Variants in PCDHGC3 observed in about 807,000 individuals in gnomAD.
PCDHGC3 encodes protocadherin gamma-C3.
In PCDHGC3, 26 loss-of-function variants were observed where a neutral mutation model predicts 59.2. That is an observed-to-expected ratio of 0.44 (90% CI 0.32 to 0.61). The LOEUF (loss-of-function observed/expected upper bound fraction) is 0.61. Ranked by LOEUF, PCDHGC3 falls within the 20% of genes least tolerant of loss-of-function variation. The pLI is 0.05. For synonymous variants in PCDHGC3, 487 were observed against 519.7 expected (o/e 0.94, Z 0.86); for missense variants, 1,080 against 1,221.8 (o/e 0.88, Z 1.73).
intron 2 of PCDHGC3, among the ~76,000 whole-genome samples, chr5:141,503,295 T>C (rs567706089): frequency 6.6e-6 from 1 of 152,070 alleles, no homozygotes; most frequent in Non-Finnish European, 1.5e-5. Context: ...TACATAGAAA[T>C]TGCTCAAGAA....
chr5:141,491,712 G>A lies in PCDHGC3; in HGVS notation c.2431-3095G>A, dbSNP rs932849130. On this transcript the variant is annotated intron_variant, in intron 1 of 3. Coordinates refer to ENST00000308177, the MANE Select transcript of PCDHGC3 (RefSeq NM_002588.4). The surrounding 1 kb of genome is among the most constrained non-coding windows in gnomAD (Gnocchi z 6.9). Reference sequence around the variant, plus strand: ...GGGAGCGGAGCCAGGTGAGGGGCTCGGCGCCGCCCCGGGCGACCCCTGGGG... The same window carrying A: ...GGGAGCGGAGCCAGGTGAGGGGCTCAGCGCCGCCCCGGGCGACCCCTGGGG... The A allele has an allele frequency of 1.2e-6, 2 of 1,609,290 alleles. No homozygotes were observed. Among genetic ancestry groups the A allele is most frequent in the East Asian group, 2.2e-5 (1 of 44,760 alleles).
Position 141,486,544 on chromosome 5 carries a change from G to C in PCDHGC3, c.2430+7998G>C, listed in dbSNP as rs1376583724. Reference sequence around the variant, plus strand: ...ATGATAATCCACCCTCTTTCTTTCAGAGGTCACATGAGGTGTTTGTTCCTG... The same window carrying C: ...ATGATAATCCACCCTCTTTCTTTCACAGGTCACATGAGGTGTTTGTTCCTG... On this transcript the variant is annotated intron_variant, in intron 1 of 3. Coordinates refer to ENST00000308177, the MANE Select transcript of PCDHGC3 (RefSeq NM_002588.4). The surrounding 1 kb of genome is among the most constrained non-coding windows in gnomAD (Gnocchi z 5.0). The C allele has an allele frequency of 6.2e-7, 1 of 1,613,964 alleles. No homozygotes were observed. The highest frequency in any genetic ancestry group is 1.3e-5 in the African/African-American group (1 of 74,932).
At chr5:141,500,914 G>T (rs1237339394) in intron 2 of PCDHGC3, among the ~76,000 whole-genome samples, 2 of 151,130 alleles carry the variant, frequency 1.3e-5, no homozygotes, top group Non-Finnish European at 2.9e-5. Flanking sequence ...CTGTCTCCAG[G>T]CTGGGGTGCA....
At position 141,505,378 on chromosome 5, in the gene PCDHGC3, C is replaced by T. The variant is rs376550639; in HGVS notation, c.2490-15C>T. 2 of 1,614,034 alleles carry T rather than the reference C, an allele frequency of 1.2e-6. No homozygotes were observed. The highest frequency in any genetic ancestry group is 2.2e-5 in the East Asian group (1 of 44,872). On this transcript the variant is annotated splice_polypyrimidine_tract_variant and intron_variant, in intron 2 of 3. Transcript: ENST00000308177. ...GGCCTGGGAGTCTGTGCTCACCATC[C>T]TACTCTCTCCCCAGCTCCCAAAATG...
At chr5:141,510,627 G>C (rs2099881988) in intron 3 of PCDHGC3, among the ~76,000 whole-genome samples, 2 of 152,090 alleles carry the variant, frequency 1.3e-5, no homozygotes, top group South Asian at 2.1e-4. Context: ...AACCAGAAGA[G>C]GTGGTTACCA....
chr5:141,505,252 C>T (rs2099844831), intron 2 of PCDHGC3, 141 bp from the exon 3 acceptor site: 1 of 1,454,140 alleles, frequency 6.9e-7, no homozygotes, highest in Non-Finnish European at 9.2e-7. Context: ...TGTAGAAGTG[C>T]CTCCTACCTT....
Position 141,485,011 on chromosome 5 carries a change from C to G in PCDHGC3, c.2430+6465C>G, listed in dbSNP as rs2099605048. 3.2e-6 allele frequency: 2 copies of G among 631,064 alleles called. No homozygotes were observed. The highest frequency in any genetic ancestry group is 5.5e-5 in the East Asian group (2 of 36,662). The allele number at this position is 631,064 out of a possible 1,614,324, so 39.1% of individuals were successfully genotyped here. A position where few individuals can be genotyped will look rare whatever the true frequency, so the allele number is the denominator to read the frequency against. Reference sequence around the variant, plus strand: ...TGGTGAAAGGCAGACAAATCTACCCCGCCACCAGCAAAAACGGCGCGTAAC... The same window carrying G: ...TGGTGAAAGGCAGACAAATCTACCCGGCCACCAGCAAAAACGGCGCGTAAC... On this transcript the variant is annotated intron_variant, in intron 1 of 3. Coordinates refer to ENST00000308177, the MANE Select transcript of PCDHGC3 (RefSeq NM_002588.4). This position sits in a 1 kb window ranked among gnomAD's most constrained non-coding sequence, Gnocchi z 5.7.
intron 1 of PCDHGC3, among the ~76,000 whole-genome samples, chr5:141,482,771 A>ACCTAAAATCTCAAACAC (rs1168136626): frequency 4.9e-5 from 7 of 141,414 alleles, no homozygotes; most frequent in African/African-American, 8.5e-5. Flanking sequence ...ATTATCACTG[A>ACCTAAAATCTCAAACAC]ACCTTAAACT....
Position 141,487,373 on chromosome 5 carries a change from C to T in PCDHGC3, c.2431-7434C>T. 2 of 1,614,224 alleles carry T rather than the reference C, an allele frequency of 1.2e-6. No homozygotes were observed. Among genetic ancestry groups the T allele is most frequent in the Non-Finnish European group, 1.7e-6 (2 of 1,180,042 alleles). On this transcript the variant is annotated intron_variant, in intron 1 of 3. Transcript: ENST00000308177. This position sits in a 1 kb window ranked among gnomAD's most constrained non-coding sequence, Gnocchi z 5.0. ...CTTTCCTGCTGGCACCTGTGCCTGTCTCACCAGATCTCGAAGGAGGGAGGG... is the reference window on the plus strand; with the variant it reads ...CTTTCCTGCTGGCACCTGTGCCTGTTTCACCAGATCTCGAAGGAGGGAGGG...
At position 141,485,287 on chromosome 5, in the gene PCDHGC3, G is replaced by A. The variant is rs1396496143; in HGVS notation, c.2430+6741G>A. 5.0e-6 allele frequency: 8 copies of A among 1,614,064 alleles called. No individual in the cohort carries two copies. The highest frequency in any genetic ancestry group is 6.8e-6 in the Non-Finnish European group (8 of 1,180,002). On this transcript the variant is annotated intron_variant, in intron 1 of 3. Transcript: ENST00000308177. The surrounding 1 kb of genome is among the most constrained non-coding windows in gnomAD (Gnocchi z 5.7). ...AGATCCGCTACCCGGTCCCAGAGGA[G>A]TCACAGGAAGGGACTTTTGTAGGGA...
intron 1 of PCDHGC3, among the ~76,000 whole-genome samples, chr5:141,483,907 C>T (rs545585133): frequency 6.0e-5 from 9 of 151,124 alleles, no homozygotes; most frequent in Non-Finnish European, 1.0e-4. Flanking sequence ...TGGTGTGTTT[C>T]CCACTCAGAT....
intron 1 of PCDHGC3, among the ~76,000 whole-genome samples, chr5:141,483,517 CCTGA>C (rs72004558): frequency 0.16 from 24,470 of 151,950 alleles, 2,064 homozygotes; most frequent in African/African-American, 0.21. Context: ...CCCCCTAGAT[CCTGA>C]CTAAGGAAGC....
chr5:141,505,676 C>A (rs1308943385), intron 3 of PCDHGC3, among the ~76,000 whole-genome samples, 195 bp downstream of exon 3: 1 of 152,060 alleles, frequency 6.6e-6, no homozygotes, highest in South Asian at 2.1e-4. Context: ...GGTTGGGGGT[C>A]CTGGGATGCC....
Position 141,487,291 on chromosome 5 carries a change from C to T in PCDHGC3, c.2431-7516C>T, listed in dbSNP as rs748961925. The stretch of plus-strand genomic sequence containing the variant: ...TGGCAATTTGCTTTGTCTCCTTTGG[C>T]TCATTCGTGGCACTACTCTCTAAGT... On this transcript the variant is annotated intron_variant, in intron 1 of 3. Transcript: ENST00000308177. This position sits in a 1 kb window ranked among gnomAD's most constrained non-coding sequence, Gnocchi z 5.0. The T allele has an allele frequency of 1.9e-5, 30 of 1,614,036 alleles. No homozygotes were observed. Among genetic ancestry groups the T allele is most frequent in the Non-Finnish European group, 2.5e-5 (30 of 1,180,020 alleles).
intron 1 of PCDHGC3, among the ~76,000 whole-genome samples, chr5:141,492,148 G>C (rs2099737507): frequency 6.6e-6 from 1 of 152,202 alleles, no homozygotes; most frequent in Admixed American, 6.5e-5. Flanking sequence ...TGACTTCACT[G>C]TTACCCTCCC....
chr5:141,512,917 T>C lies in PCDHGC3; in HGVS notation c.*1744T>C, dbSNP rs543880225. On this transcript the variant is annotated 3_prime_UTR_variant, in exon 4 of 4. Transcript: ENST00000308177. ...TGTGTCTCACGCAAGTTTTATACTCTAATATTTATATGGCTTTTTTTCTTC... is the reference window on the plus strand; with the variant it reads ...TGTGTCTCACGCAAGTTTTATACTCCAATATTTATATGGCTTTTTTTCTTC... The C allele has an allele frequency of 1.3e-5, 2 of 152,378 alleles. No individual in the cohort carries two copies. Among genetic ancestry groups the C allele is most frequent in the African/African-American group, 2.4e-5 (1 of 41,588 alleles). The allele number at this position is 152,378 out of a possible 1,614,324, so 9.4% of individuals were successfully genotyped here.
rs1251686604 is a variant in PCDHGC3 at position 141,485,257 on chromosome 5, T to C, written c.2430+6711T>C. ...TCTTTTACCACCTGGGTTACGTTTG[T>C]GGGCAGATCCGCTACCCGGTCCCAG... is the stretch of plus-strand genomic sequence containing the variant. On this transcript the variant is annotated intron_variant, in intron 1 of 3. Coordinates refer to ENST00000308177, the MANE Select transcript of PCDHGC3 (RefSeq NM_002588.4). This position sits in a 1 kb window ranked among gnomAD's most constrained non-coding sequence, Gnocchi z 5.7. The C allele has an allele frequency of 6.2e-7, 1 of 1,614,154 alleles. No homozygotes were observed.
Position 141,486,319 on chromosome 5 carries a change from C to T in PCDHGC3, c.2430+7773C>T, listed in dbSNP as rs148184642. The T allele has an allele frequency of 1.7e-4, 268 of 1,614,058 alleles. No individual in the cohort carries two copies. The African/African-American group carries it at 1.7e-3, about 10-fold the overall frequency. Reference sequence around the variant, plus strand: ...TGCAGGATCCAGACTCAGGGTCAAACGGAGATGTGAGCCTCCGCATTCCTG... The same window carrying T: ...TGCAGGATCCAGACTCAGGGTCAAATGGAGATGTGAGCCTCCGCATTCCTG... On this transcript the variant is annotated intron_variant, in intron 1 of 3. Transcript: ENST00000308177. The surrounding 1 kb of genome is among the most constrained non-coding windows in gnomAD (Gnocchi z 5.0).
In PCDHGC3 at chr5:141,485,037, C is replaced by T. The variant is rs2099605532; in HGVS notation, c.2430+6491C>T. 1.0e-5 allele frequency: 7 copies of T among 702,746 alleles called. No individual in the cohort carries two copies. Among genetic ancestry groups the T allele is most frequent in the Non-Finnish European group, 1.5e-5 (6 of 402,836 alleles). 43.5% of individuals were successfully genotyped at this position (702,746 alleles called of 1,614,324 possible). A position where few individuals can be genotyped will look rare whatever the true frequency, so the allele number is the denominator to read the frequency against. ...GCCACCAGCAAAAACGGCGCGTAAC[C>T]CTTGCGGCGCCGGCCGAACCGCGCC... is the stretch of plus-strand genomic sequence containing the variant. On this transcript the variant is annotated intron_variant, in intron 1 of 3. Transcript: ENST00000308177. The surrounding 1 kb of genome is among the most constrained non-coding windows in gnomAD (Gnocchi z 5.7).
Sources: gnomAD v4.1 joint callset for allele counts (sites outside exome capture counted in the v4.1 genomes callset) on GRCh38, gnomAD v4.1.1 for gene constraint, Gnocchi (gnomAD v3.1) non-coding constraint, MANE v1.5 for transcripts, NCBI Gene and HGNC (gene_info 2026-07-23, HGNC 2026-07-21) for gene names.